NYAP2: variants seen among roughly 807,000 people sequenced by gnomAD.
NYAP2 encodes neuronal tyrosine-phosphorylated phosphoinositide-3-kinase adaptor 2.
Under a neutral mutation model 50.4 loss-of-function variants are expected in NYAP2, and 23 were observed. The ratio of observed to expected loss-of-function variants is 0.46; its 90% CI spans 0.33 to 0.65. The LOEUF is 0.65. Ranked by LOEUF, NYAP2 falls within the 30% of genes least tolerant of loss-of-function variation. NYAP2 has a pLI of 0.02. For missense variants in NYAP2, 885 were observed against 861.0 expected, an observed-to-expected ratio of 1.03 and a Z score of -0.35; for synonymous variants, 394 against 365.2, an observed-to-expected ratio of 1.08 and a Z score of -0.90.
chr2:225,589,516 A>AAAATATATATATATATATCTAT (rs112700820), intron 5 of NYAP2, among the ~76,000 whole-genome samples: 1 of 71,356 alleles, frequency 1.4e-5, no homozygotes, highest in Non-Finnish European at 2.7e-5. Flanking sequence ...CTAAAAGTAA[A>AAAATATATATATATATATCTAT]ATATATATAT....
At chr2:225,573,916 G>A (rs1692122954) in intron 4 of NYAP2, among the ~76,000 whole-genome samples, 1 of 152,142 alleles carries the variant, frequency 6.6e-6, no homozygotes, top group Non-Finnish European at 1.5e-5. Flanking sequence ...TTCAGGAGAG[G>A]GAGATAGATC....
intron 4 of NYAP2, among the ~76,000 whole-genome samples, chr2:225,553,082 CTA>C (rs1041654422): frequency 6.6e-6 from 1 of 152,210 alleles, no homozygotes. Context: ...AGGAAAGAGA[CTA>C]TCAAACTCCA....
intron 3 of NYAP2, among the ~76,000 whole-genome samples, chr2:225,492,636 A>T (rs1470610391): frequency 2.0e-5 from 3 of 152,250 alleles, no homozygotes; most frequent in Non-Finnish European, 4.4e-5. Context: ...TGCAGACTGT[A>T]CATGCGTGGC....
intron 3 of NYAP2, among the ~76,000 whole-genome samples, chr2:225,413,704 T>C: frequency 6.6e-6 from 1 of 152,156 alleles, no homozygotes; most frequent in Non-Finnish European, 1.5e-5. Flanking sequence ...CCTAACACGT[T>C]TTAATATTTT....
chr2:225,700,333 A>T, the NYAP2 span: 1 of 151,606 alleles, frequency 6.6e-6, no homozygotes, highest in Non-Finnish European at 1.5e-5. Context: ...GTGTGTGTAC[A>T]TGAACGAATA....
intron 3 of NYAP2, among the ~76,000 whole-genome samples, chr2:225,425,986 G>C (rs908439429): frequency 6.6e-6 from 1 of 151,994 alleles, no homozygotes; most frequent in African/African-American, 2.4e-5. Context: ...TTAAGGGTAA[G>C]CTCAAGTTTA....
Position 225,501,525 on chromosome 2 carries a change from G to T in NYAP2, c.222-11846G>T, listed in dbSNP as rs114769566. On this transcript the variant is annotated intron_variant, in intron 3 of 6. Coordinates refer to ENST00000636099, the Ensembl canonical transcript of NYAP2. ...AAACTGAACGAATTAATGTGCCTGG[G>T]GTCACAAAACTAGTTTGTAATAGAG... is the stretch of plus-strand genomic sequence containing the variant. Among the ~76,000 whole-genome samples, 1,501 of 152,186 alleles carry T rather than the reference G, an allele frequency of 9.9e-3. 24 individuals carry two copies. Among genetic ancestry groups the T allele is most frequent in the African/African-American group, 0.034 (1,421 of 41,522 alleles).
chr2:225,532,403 T>A (rs1033236414), intron 4 of NYAP2, among the ~76,000 whole-genome samples: 2 of 152,238 alleles, frequency 1.3e-5, no homozygotes, highest in African/African-American at 4.8e-5. Context: ...AATTGCTATC[T>A]ATGATTTTTC....
At chr2:225,677,998 C>A in the NYAP2 span, among the ~76,000 whole-genome samples, 10 of 152,182 alleles carry the variant, frequency 6.6e-5, no homozygotes, top group East Asian at 1.9e-3. Context: ...GATGTCAGTT[C>A]TTCTTTGTGC....
chr2:225,486,710 C>A (rs1440856411), intron 3 of NYAP2, among the ~76,000 whole-genome samples: 1 of 152,124 alleles, frequency 6.6e-6, no homozygotes, highest in African/African-American at 2.4e-5. Flanking sequence ...CCCATCAGGG[C>A]CTACTTTGTA....
the NYAP2 span, among the ~76,000 whole-genome samples, chr2:225,676,289 C>T: frequency 6.6e-6 from 1 of 152,008 alleles, no homozygotes; most frequent in Non-Finnish European, 1.5e-5. Flanking sequence ...TGAGGTCAGA[C>T]ATTTACATCT....
chr2:225,509,064 A>G (rs1193447054), intron 3 of NYAP2, among the ~76,000 whole-genome samples: 3 of 152,146 alleles, frequency 2.0e-5, no homozygotes, highest in Admixed American at 6.5e-5. Flanking sequence ...CGCAGTTTGT[A>G]TGGGAGCTAC....
chr2:225,484,470 T>C (rs1204007156), intron 3 of NYAP2, among the ~76,000 whole-genome samples: 2 of 152,202 alleles, frequency 1.3e-5, no homozygotes, highest in Non-Finnish European at 2.9e-5. Context: ...ATAATCTCTA[T>C]GACAGTGTGA....
At chr2:225,415,066 C>T (rs1277841508) in intron 3 of NYAP2, among the ~76,000 whole-genome samples, 1 of 152,084 alleles carries the variant, frequency 6.6e-6, no homozygotes, top group African/African-American at 2.4e-5. Context: ...CAAAGTGGTT[C>T]TGACACAAAG....
chr2:225,602,210 T>C (rs1274350613), intron 5 of NYAP2, among the ~76,000 whole-genome samples: 1 of 152,110 alleles, frequency 6.6e-6, no homozygotes, highest in East Asian at 1.9e-4. Flanking sequence ...TGGAGGTAAA[T>C]GTGAAGGCTT....
intron 2 of NYAP2, among the ~76,000 whole-genome samples, chr2:225,401,513 A>G (rs1462144746): frequency 6.6e-6 from 1 of 152,040 alleles, no homozygotes; most frequent in Non-Finnish European, 1.5e-5. Flanking sequence ...CTACCAGACA[A>G]ACAGCAAAGC....
the NYAP2 span, among the ~76,000 whole-genome samples, chr2:225,692,635 C>G: frequency 6.6e-6 from 1 of 151,714 alleles, no homozygotes; most frequent in South Asian, 2.1e-4. Flanking sequence ...ATATGTGAAG[C>G]ATATATAAAT....
At chr2:225,507,264 A>C (rs1690723527) in intron 3 of NYAP2, among the ~76,000 whole-genome samples, 1 of 152,214 alleles carries the variant, frequency 6.6e-6, no homozygotes, top group Non-Finnish European at 1.5e-5. Context: ...GTTTGCCTCA[A>C]AACTGCATGC....
chr2:225,500,577 T>G (rs1690587635), intron 3 of NYAP2, among the ~76,000 whole-genome samples: 1 of 152,200 alleles, frequency 6.6e-6, no homozygotes, highest in African/African-American at 2.4e-5. Context: ...TATAAAGTCT[T>G]TTAGATCTTG....
Sources: allele counts gnomAD v4.1 joint callset (sites outside exome capture counted in the v4.1 genomes callset), GRCh38; gene constraint gnomAD v4.1.1; transcripts MANE v1.5; gene names NCBI Gene and HGNC (gene_info 2026-07-23, HGNC 2026-07-21).